VPS13B: variants seen among roughly 807,000 people sequenced by gnomAD.
VPS13B encodes vacuolar protein sorting 13 homolog B, also known as intermembrane lipid transfer protein VPS13B.
Under a neutral mutation model 426.4 loss-of-function variants are expected in VPS13B, and 285 were observed. The ratio of observed to expected loss-of-function variants is 0.67; its 90% CI spans 0.61 to 0.74. The LOEUF (loss-of-function observed/expected upper bound fraction) is 0.74, where lower values mean the gene tolerates loss of function less well. Ranked by LOEUF, VPS13B falls within the 30% of genes least tolerant of loss-of-function variation. The probability of loss-of-function intolerance (pLI) is 0.00; values close to 1 mark genes in which losing one functional copy is unlikely to be tolerated. For synonymous variants in VPS13B, 1,676 were observed against 1,676.4 expected (o/e 1.00, Z 0.01); for missense variants, 4,537 against 4,782.6 (o/e 0.95, Z 1.51).
At chr8:99,162,555 C>G (rs972237866) in intron 15 of VPS13B, among the ~76,000 whole-genome samples, 2 of 151,858 alleles carry the variant, frequency 1.3e-5, no homozygotes, top group Non-Finnish European at 2.9e-5. Flanking sequence ...GAGTTTCTTC[C>G]TTCTGGTGGG....
chr8:99,368,117 T>G (rs1303212073), intron 19 of VPS13B, among the ~76,000 whole-genome samples: 1 of 152,270 alleles, frequency 6.6e-6, no homozygotes, highest in African/African-American at 2.4e-5. Context: ...CAAATGTTTT[T>G]AAAAGCCTAA....
chr8:99,310,786 G>C (rs887228350), intron 19 of VPS13B, among the ~76,000 whole-genome samples: 2 of 152,034 alleles, frequency 1.3e-5, no homozygotes, highest in South Asian at 4.1e-4. Context: ...TTGTACCTCT[G>C]GTAGAATTTG....
At chr8:99,302,518 T>C (rs1037274052) in intron 19 of VPS13B, among the ~76,000 whole-genome samples, 1 of 152,180 alleles carries the variant, frequency 6.6e-6, no homozygotes, top group Non-Finnish European at 1.5e-5. Context: ...ATTGATTTTT[T>C]TTTTTATTAA....
At chr8:99,408,424 G>A (rs1001633960) in intron 21 of VPS13B, among the ~76,000 whole-genome samples, 3 of 152,124 alleles carry the variant, frequency 2.0e-5, no homozygotes, top group African/African-American at 4.8e-5. Context: ...TTTTCAGGAT[G>A]TATGGTGTAA....
At chr8:99,536,965 A>G (rs1823278407) in intron 30 of VPS13B, 1 of 366,372 alleles carries the variant, frequency 2.7e-6, no homozygotes, top group Non-Finnish European at 5.4e-6. Context: ...TATTAATGAG[A>G]TATACAGAAA....
chr8:99,427,894 A>G (rs1362545911), intron 21 of VPS13B, among the ~76,000 whole-genome samples: 2 of 152,226 alleles, frequency 1.3e-5, no homozygotes, highest in Non-Finnish European at 2.9e-5. Context: ...CGGTACTACA[A>G]GGCTACAGTA....
At chr8:99,818,381 C>A in intron 45 of VPS13B, 70 bp from the exon 46 acceptor site, 1 of 1,403,462 alleles carries the variant, frequency 7.1e-7, no homozygotes, top group Non-Finnish European at 1.0e-6. Context: ...ACTGATGTAT[C>A]TGTGCCTTAT....
intron 34 of VPS13B, among the ~76,000 whole-genome samples, chr8:99,645,439 ATT>A (rs948117234): frequency 9.9e-5 from 15 of 152,188 alleles, no homozygotes; most frequent in Admixed American, 2.0e-4. Flanking sequence ...AAAACCTGGG[ATT>A]TTTATTCATG....
At chr8:99,666,739 A>T (rs1830504536) in intron 35 of VPS13B, among the ~76,000 whole-genome samples, 1 of 152,172 alleles carries the variant, frequency 6.6e-6, no homozygotes, top group African/African-American at 2.4e-5. Flanking sequence ...TTCCCTTTGA[A>T]AACGGACACA....
intron 23 of VPS13B, among the ~76,000 whole-genome samples, chr8:99,456,096 G>C (rs140698470): frequency 1.5e-4 from 23 of 152,248 alleles, no homozygotes; most frequent in African/African-American, 5.5e-4. Flanking sequence ...GGTTAGCGTA[G>C]CTGTGGGTTT....
At chr8:99,111,688 G>A (rs753312705) in intron 6 of VPS13B, among the ~76,000 whole-genome samples, 2 of 151,986 alleles carry the variant, frequency 1.3e-5, no homozygotes, top group South Asian at 2.1e-4. Context: ...AGGTGACTTC[G>A]TAAAGCTTGA....
chr8:99,113,949 T>G lies in VPS13B; in HGVS notation c.763-1751T>G, dbSNP rs566829213. Among the ~76,000 whole-genome samples, 314 of 152,298 alleles carry G rather than the reference T, an allele frequency of 2.1e-3. 2 individuals are homozygous for G. The highest frequency in any genetic ancestry group is 0.012 in the South Asian group (57 of 4,824). On this transcript the variant is annotated intron_variant, in intron 6 of 61. Transcript: ENST00000357162. ...GGCTTTTTATAATTTTCCATTTTTT[T>G]TGTGTGAGATACATACGTTCTGGTG...
chr8:99,260,142 C>G (rs1817967148), intron 17 of VPS13B, among the ~76,000 whole-genome samples: 1 of 151,982 alleles, frequency 6.6e-6, no homozygotes, highest in African/African-American at 2.4e-5. Flanking sequence ...TATAAGTGAA[C>G]TGGAAGGTGG....
chr8:99,823,994 C>A lies in VPS13B; in HGVS notation c.9330+16C>A. 6.2e-7 allele frequency: 1 copy of A among 1,610,000 alleles called. No individual in the cohort carries two copies. Among genetic ancestry groups the A allele is most frequent in the Non-Finnish European group, 8.5e-7 (1 of 1,179,370 alleles). ...TGGAAAGGAGGTAAGCAAATCATAA[C>A]GATTCTTTTGTCTAAGTTTTGATAA... On this transcript the variant is annotated intron_variant, in intron 51 of 61. Transcript: ENST00000357162.
chr8:99,724,332 G>A (rs576631925), intron 39 of VPS13B, among the ~76,000 whole-genome samples: 2 of 152,126 alleles, frequency 1.3e-5, no homozygotes, highest in East Asian at 3.9e-4. Context: ...TTCATCTGTT[G>A]TCAGAATCAT....
rs1815632442 is a variant in VPS13B, at chr8:99,840,577, G to A, written c.9942+4839G>A. The stretch of plus-strand genomic sequence containing the variant: ...CATTAGACACTTCCCGAATGCATGG[G>A]GTCAATCAGCCAGACTCCACTCTCA... On this transcript the variant is annotated intron_variant, in intron 54 of 61. Coordinates refer to ENST00000357162, the MANE Select transcript of VPS13B (RefSeq NM_152564.5). Among the ~76,000 whole-genome samples, 3 of 152,046 alleles carry A rather than the reference G, an allele frequency of 2.0e-5. 1 individual carries two copies. In the South Asian group the frequency reaches 6.2e-4, roughly 32 times the overall value.
rs895271990 is a variant in VPS13B at position 99,819,485 on chromosome 8, C to T, written c.8695C>T (p.His2899Tyr). ...SLIKQIATKV[H>Y]PGGTVNQILD... ...CATTAAGCAAATAGCCACTAAGGTA[C>T]ACCCTGGAGGCACAGTTAATCAGAT... is the stretch of plus-strand genomic sequence containing the variant. The change falls in exon 48 of 62, where the codon CAC (histidine) becomes TAC (tyrosine). Residue 2899 changes from histidine (H) to tyrosine (Y), a missense_variant. By Grantham distance (83) the His-to-Tyr change is moderately conservative. This residue lies in a region of VPS13B where 4,311 missense variants were observed against 4,474.3 expected (regional missense o/e 0.96). Coordinates refer to ENST00000357162, the MANE Select transcript of VPS13B (RefSeq NM_152564.5). The T allele has an allele frequency of 2.5e-6, 4 of 1,613,764 alleles. No homozygotes were observed. Among genetic ancestry groups the T allele is most frequent in the South Asian group, 1.1e-5 (1 of 91,064 alleles).
intron 15 of VPS13B, among the ~76,000 whole-genome samples, chr8:99,163,919 G>A: frequency 6.6e-6 from 1 of 152,228 alleles, no homozygotes; most frequent in Non-Finnish European, 1.5e-5. Flanking sequence ...GGTGCTGAGA[G>A]CAAGCGAGGG....
chr8:99,331,484 T>G (rs902212099), intron 19 of VPS13B, among the ~76,000 whole-genome samples: 1 of 151,826 alleles, frequency 6.6e-6, no homozygotes, highest in African/African-American at 2.4e-5. Flanking sequence ...TATGTTCTCA[T>G]TAGCATAAAC....
Sources: allele counts gnomAD v4.1 joint callset (sites outside exome capture counted in the v4.1 genomes callset), GRCh38; gene constraint gnomAD v4.1.1; regional missense constraint gnomAD v4.1.1; transcripts MANE v1.5; gene names NCBI Gene and HGNC (gene_info 2026-07-23, HGNC 2026-07-21).